The following GKN1 variants were observed in gnomAD, a reference collection of about 807,000 sequenced individuals.
GKN1 encodes the protein gastrokine 1, also known as gastrokine-1.
GKN1 carries 17 observed loss-of-function variants against 19.7 expected under a neutral mutation model. The observed-to-expected ratio is 0.86, with a 90% CI of 0.59 to 1.29. The LOEUF (loss-of-function observed/expected upper bound fraction) is 1.29, where lower values mean the gene tolerates loss of function less well. Ranked by LOEUF, GKN1 falls within the 50% of genes most tolerant of loss-of-function variation. GKN1 has a pLI of 0.00. For missense variants in GKN1, 218 were observed against 224.5 expected (o/e 0.97, Z 0.19); for synonymous variants, 96 against 78.3 (o/e 1.23, Z -1.20).
intron 5 of GKN1, 103 bp downstream of exon 5, chr2:68,980,163 T>C: frequency 1.0e-6 from 1 of 974,854 alleles, no homozygotes; most frequent in Non-Finnish European, 1.6e-6. Context: ...GGGATGGTCA[T>C]CAAGGCCAAC....
intron 5 of GKN1, 23 bp from the exon 6 acceptor site, chr2:68,980,706 G>C (rs766057682): frequency 1.1e-5 from 14 of 1,230,494 alleles, no homozygotes; most frequent in Non-Finnish European, 1.4e-5. Flanking sequence ...ATTAATATAG[G>C]CTTCTTCTTT....
rs1670335530 is a variant in GKN1 at position 68,980,060 on chromosome 2, G to A, written c.463G>A (p.Glu155Lys). The A allele has an allele frequency of 1.2e-6, 2 of 1,612,482 alleles. No individual in the cohort carries two copies. Among genetic ancestry groups the A allele is most frequent in the African/African-American group, 1.3e-5 (1 of 75,004 alleles). The change falls in exon 5 of 6, where the codon GAG becomes AAG. Residue 155 changes from glutamate (E) to lysine (K), a missense_variant and splice_region_variant. Glu to Lys is a moderately conservative substitution (Grantham distance 56). Transcript: ENST00000377938. ...IPTYMAEEMQ[E>K]ASLFFYSGTC... ...AACATACATGGCTGAGGAGATGCAA[G>A]GTGAGTAGCATCCCTACTGTGCACC...
chr2:68,976,598 T>C (rs950142586), intron 1 of GKN1, among the ~76,000 whole-genome samples: 2 of 152,198 alleles, frequency 1.3e-5, no homozygotes, highest in Admixed American at 6.5e-5. Flanking sequence ...ATCATTTTTG[T>C]TAATATTTAG....
chr2:68,975,144 G>A (rs150607922), intron 1 of GKN1, among the ~76,000 whole-genome samples: 3 of 152,158 alleles, frequency 2.0e-5, no homozygotes, highest in South Asian at 2.1e-4. Context: ...ACCTGATTCC[G>A]GTCTCCATGC....
At chr2:68,976,970 T>C (rs1670270881) in intron 1 of GKN1, among the ~76,000 whole-genome samples, 1 of 152,200 alleles carries the variant, frequency 6.6e-6, no homozygotes, top group Non-Finnish European at 1.5e-5. Flanking sequence ...ATTATAAAGT[T>C]AATATTTTGA....
chr2:68,977,782 G>C lies in GKN1; in HGVS notation c.204+8G>C, dbSNP rs1558715081. ...ATCTGGGATTATGGAAATGTAGGTA[G>C]TCAACGTGCAATTTTCACTTTATTG... is the stretch of plus-strand genomic sequence containing the variant. On this transcript the variant is annotated splice_region_variant and intron_variant, in intron 3 of 5. Transcript: ENST00000377938. 1 of 1,599,232 alleles carries C rather than the reference G, an allele frequency of 6.3e-7. No homozygotes were observed. Among genetic ancestry groups the C allele is most frequent in the Non-Finnish European group, 8.6e-7 (1 of 1,167,470 alleles).
At chr2:68,974,840 C>A (rs1378859325) in intron 1 of GKN1, 151 bp downstream of exon 1, 2 of 634,038 alleles carry the variant, frequency 3.2e-6, no homozygotes, top group Non-Finnish European at 5.8e-6. Flanking sequence ...GAGAGGGGAA[C>A]AACACACACT....
At position 68,977,560 on chromosome 2, in the gene GKN1, C is replaced by T. The variant is rs1165689326; in HGVS notation, c.66+12C>T. On this transcript the variant is annotated intron_variant, in intron 2 of 5. Coordinates refer to ENST00000377938, the MANE Select transcript of GKN1 (RefSeq NM_019617.4). ...CCCTAGCTAACTATGTAAGTCTCAC[C>T]TTTTCAAGTTTGCTACCAAAATGCA... 1 of 1,608,390 alleles carries T rather than the reference C, an allele frequency of 6.2e-7. No individual in the cohort carries two copies. Among genetic ancestry groups the T allele is most frequent in the Admixed American group, 1.7e-5 (1 of 60,008 alleles).
chr2:68,979,578 T>C (rs1558715742), intron 4 of GKN1, among the ~76,000 whole-genome samples: 1 of 152,080 alleles, frequency 6.6e-6, no homozygotes, highest in Admixed American at 6.5e-5. Context: ...GTAGAGAAAA[T>C]AAATAAACTG....
intron 1 of GKN1, among the ~76,000 whole-genome samples, chr2:68,975,536 A>G (rs1410998215): frequency 6.6e-6 from 1 of 152,178 alleles, no homozygotes; most frequent in Non-Finnish European, 1.5e-5. Flanking sequence ...GACTATTTTC[A>G]TGTTTCAACA....
In GKN1 at chr2:68,979,901, T is replaced by C. The variant is rs1670332088; in HGVS notation, c.316-12T>C. The C allele has an allele frequency of 1.2e-6, 2 of 1,611,814 alleles. No homozygotes were observed. The highest frequency in any genetic ancestry group is 1.7e-6 in the Non-Finnish European group (2 of 1,178,040). ...CCCATTCTTCCTTTCTACCTCTCTT[T>C]TCCACACTCAGCTTCAGGGTAAGGG... is the stretch of plus-strand genomic sequence containing the variant. On this transcript the variant is annotated splice_polypyrimidine_tract_variant and intron_variant, in intron 4 of 5. Transcript: ENST00000377938.
At chr2:68,980,388 T>C (rs1210363425) in intron 5 of GKN1, among the ~76,000 whole-genome samples, 1 of 152,198 alleles carries the variant, frequency 6.6e-6, no homozygotes, top group Non-Finnish European at 1.5e-5. Context: ...CACTGCCTTT[T>C]AAGTGTGAAT....
chr2:68,977,394 A>G (rs1332644075), intron 1 of GKN1, 101 bp from the exon 2 acceptor site: 1 of 840,444 alleles, frequency 1.2e-6, no homozygotes, highest in East Asian at 2.4e-5. Flanking sequence ...AACTGAACAC[A>G]TTGGTAAAAT....
In GKN1 at chr2:68,977,769, G is replaced by A; in HGVS notation, c.199G>A (p.Gly67Arg). 3 of 1,608,750 alleles carry A rather than the reference G, an allele frequency of 1.9e-6. No individual in the cohort carries two copies. The South Asian group carries it at 3.3e-5, about 18-fold the overall frequency. The change falls in exon 3 of 6, where the codon GGA becomes AGA. Residue 67 changes from glycine to arginine, a missense_variant. Physicochemically the swap from Gly to Arg is moderately radical, Grantham distance 125. Coordinates refer to ENST00000377938, the MANE Select transcript of GKN1 (RefSeq NM_019617.4). Reference protein sequence around the residue: ...WDSWNSIWDYGNGFAATRLFQ... With the variant: ...WDSWNSIWDYRNGFAATRLFQ... Reference sequence around the variant, plus strand: ...CTCCTGGAATTCCATCTGGGATTATGGAAATGTAGGTAGTCAACGTGCAAT... The same window carrying A: ...CTCCTGGAATTCCATCTGGGATTATAGAAATGTAGGTAGTCAACGTGCAAT...
intron 1 of GKN1, among the ~76,000 whole-genome samples, chr2:68,976,669 G>A (rs1387942379): frequency 3.3e-5 from 5 of 151,906 alleles, no homozygotes; most frequent in African/African-American, 4.8e-5. Flanking sequence ...CTTAATACTC[G>A]AAGAAGTATA....
intron 1 of GKN1, among the ~76,000 whole-genome samples, chr2:68,975,473 A>G (rs114849036): frequency 4.2e-3 from 639 of 152,286 alleles, no homozygotes; most frequent in Middle Eastern, 0.01. Context: ...CTGCCAAAGT[A>G]ACTAGTAGTG....
intron 1 of GKN1, among the ~76,000 whole-genome samples, chr2:68,976,199 C>T (rs1240495531): frequency 6.6e-6 from 1 of 151,936 alleles, no homozygotes; most frequent in Non-Finnish European, 1.5e-5. Flanking sequence ...AGAAAACATC[C>T]CATGTTAAAT....
rs1670284361 is a variant in GKN1, at chr2:68,977,685, T to C, written c.115T>C (p.Ser39Pro). 2 of 1,607,066 alleles carry C rather than the reference T, an allele frequency of 1.2e-6. No homozygotes were observed. The highest frequency in any genetic ancestry group is 1.3e-5 in the African/African-American group (1 of 74,754). ...DNNNAGSGQQ[S>P]VSVNNEHNVA... Reference sequence around the variant, plus strand: ...CAACAATGCTGGAAGTGGGCAGCAGTCAGTGAGTGTCAACAATGAACACAA... The same window carrying C: ...CAACAATGCTGGAAGTGGGCAGCAGCCAGTGAGTGTCAACAATGAACACAA... Residue 39 changes from serine (S) to proline (P), a missense_variant, in exon 3 of 6, where the codon TCA becomes CCA. By Grantham distance (74) the Ser-to-Pro change is moderately conservative. Coordinates refer to ENST00000377938, the MANE Select transcript of GKN1 (RefSeq NM_019617.4).
At position 68,978,296 on chromosome 2, in the gene GKN1, G is replaced by GAAAAA. The variant is rs796222573; in HGVS notation, c.204+523_204+524insAAAAA. Reference sequence around the variant, plus strand: ...GGAAAGAAAGAAAGAAAGAAAGAAAGAGAGAGAAAGAAAGAAAAAGAAAAA... The same window carrying GAAAAA: ...GGAAAGAAAGAAAGAAAGAAAGAAAGAAAAAAGAGAGAAAGAAAGAAAAAGAAAAA... On this transcript the variant is annotated intron_variant, in intron 3 of 5. Coordinates refer to ENST00000377938, the MANE Select transcript of GKN1 (RefSeq NM_019617.4). Among the ~76,000 whole-genome samples, 121 of 102,202 alleles carry GAAAAA rather than the reference G, an allele frequency of 1.2e-3. 3 individuals carry two copies. Among genetic ancestry groups the GAAAAA allele is most frequent in the African/African-American group, 4.1e-3 (71 of 17,378 alleles). The allele number at this position is 102,202 out of a possible 152,430, so 67.0% of individuals were successfully genotyped here. A position where few individuals can be genotyped will look rare whatever the true frequency, so the allele number is the denominator to read the frequency against.
Sources: allele counts gnomAD v4.1 joint callset (sites outside exome capture counted in the v4.1 genomes callset), GRCh38; gene constraint gnomAD v4.1.1; transcripts MANE v1.5; gene names NCBI Gene and HGNC (gene_info 2026-07-23, HGNC 2026-07-21).